Variants in KLF12 observed in about 807,000 individuals in gnomAD.
KLF12 encodes the protein KLF transcription factor 12.
In KLF12, 9 loss-of-function variants were observed where a neutral mutation model predicts 37.8. The ratio of observed to expected loss-of-function variants is 0.24; its 90% CI spans 0.14 to 0.42. The LOEUF (loss-of-function observed/expected upper bound fraction) is 0.42. KLF12 is among the 10% of genes least tolerant of loss of function. The probability of loss-of-function intolerance (pLI) is 1.00; values close to 1 mark genes in which losing one functional copy is unlikely to be tolerated. For missense variants in KLF12, 411 were observed against 516.0 expected (o/e 0.80, Z 1.97); for synonymous variants, 208 against 202.1 (o/e 1.03, Z -0.25).
intron 1 of KLF12, among the ~76,000 whole-genome samples, chr13:74,047,293 C>T (rs916160528): frequency 6.6e-6 from 1 of 152,028 alleles, no homozygotes; most frequent in Non-Finnish European, 1.5e-5. Context: ...CAGAAAAGTG[C>T]TTGCTTTAAA....
chr13:74,142,345 A>G, the KLF12 span, among the ~76,000 whole-genome samples: 1 of 152,250 alleles, frequency 6.6e-6, no homozygotes, highest in Non-Finnish European at 1.5e-5. Context: ...TTTGCATTTC[A>G]TATTCAAATG....
At chr13:74,208,805 G>T in the KLF12 span, among the ~76,000 whole-genome samples, 1 of 151,974 alleles carries the variant, frequency 6.6e-6, no homozygotes, top group Middle Eastern at 3.2e-3. Flanking sequence ...GAGACACTGT[G>T]TCTAAAAAAT....
intron 2 of KLF12, among the ~76,000 whole-genome samples, chr13:73,946,027 T>TC (rs1426478687): frequency 1.3e-5 from 2 of 152,148 alleles, no homozygotes; most frequent in Admixed American, 1.3e-4. Context: ...CTTACCACCA[T>TC]CCAGTCTCAG....
chr13:74,070,926 C>A (rs1874197003), intron 1 of KLF12, among the ~76,000 whole-genome samples: 1 of 152,192 alleles, frequency 6.6e-6, no homozygotes, highest in Non-Finnish European at 1.5e-5. Context: ...GTGGGTCCAA[C>A]AGTCACTATG....
At chr13:74,087,106 C>A (rs1875354271) in intron 1 of KLF12, among the ~76,000 whole-genome samples, 1 of 151,996 alleles carries the variant, frequency 6.6e-6, no homozygotes, top group Non-Finnish European at 1.5e-5. Context: ...TGTTTATGTG[C>A]CCTTGAGGAT....
At position 73,691,857 on chromosome 13, in the gene KLF12, A is replaced by G. The variant is rs1057476754; in HGVS notation, c.*3633T>C. The G allele has an allele frequency of 6.6e-6, 1 of 152,648 alleles. No homozygotes were observed. The highest frequency in any genetic ancestry group is 2.4e-5 in the African/African-American group (1 of 41,466). 9.5% of individuals were successfully genotyped at this position (152,648 alleles called of 1,614,324 possible). On this transcript the variant is annotated 3_prime_UTR_variant, in exon 8 of 8. Transcript: ENST00000377669. ...TAAAGTTAAAAAGAATTGTATAAAA[A>G]TGAACACAATCTTTGCATAAGCTAT...
rs868068889 is a variant in KLF12, at chr13:73,900,627, C to A, written c.123+43354G>T. Among the ~76,000 whole-genome samples, 121 of 151,614 alleles carry A rather than the reference C, an allele frequency of 8.0e-4. 1 individual carries two copies. The highest frequency in any genetic ancestry group is 2.8e-3 in the African/African-American group (116 of 41,308). ...TAACTGTGAAACTCCTGTATTCTCT[C>A]ATTTAAAAAAAAAAACTAATCGTGC... On this transcript the variant is annotated intron_variant, in intron 3 of 7. Transcript: ENST00000377669.
intron 6 of KLF12, among the ~76,000 whole-genome samples, chr13:73,733,738 C>T (rs553408354): frequency 6.6e-6 from 1 of 152,310 alleles, no homozygotes; most frequent in South Asian, 2.1e-4. Context: ...AATCACCAAA[C>T]TGCTGTGCAT....
the KLF12 span, among the ~76,000 whole-genome samples, chr13:74,268,590 A>G: frequency 6.6e-6 from 1 of 152,196 alleles, no homozygotes; most frequent in Non-Finnish European, 1.5e-5. Flanking sequence ...TTACAGTTTC[A>G]TTTAGGAGTT....
chr13:73,935,538 G>A (rs1374110495), intron 3 of KLF12, among the ~76,000 whole-genome samples: 1 of 152,064 alleles, frequency 6.6e-6, no homozygotes, highest in Non-Finnish European at 1.5e-5. Context: ...TAATGAATGC[G>A]TTCTCACTCT....
At chr13:74,050,774 A>G (rs1404165662) in intron 1 of KLF12, among the ~76,000 whole-genome samples, 2 of 152,248 alleles carry the variant, frequency 1.3e-5, no homozygotes, top group African/African-American at 4.8e-5. Context: ...CAACAGAGTG[A>G]AAAGACAACC....
intron 3 of KLF12, among the ~76,000 whole-genome samples, chr13:73,881,309 C>A (rs758424899): frequency 2.0e-5 from 3 of 151,944 alleles, no homozygotes; most frequent in African/African-American, 7.2e-5. Flanking sequence ...TTTTAAATTT[C>A]TGAGAAGCTT....
At chr13:74,010,361 G>A (rs1007639084) in intron 1 of KLF12, among the ~76,000 whole-genome samples, 1 of 152,172 alleles carries the variant, frequency 6.6e-6, no homozygotes, top group African/African-American at 2.4e-5. Context: ...ATTTTGGTAA[G>A]ACCACGAACA....
intron 3 of KLF12, among the ~76,000 whole-genome samples, chr13:73,902,296 C>T (rs1221143684): frequency 6.6e-6 from 1 of 152,150 alleles, no homozygotes; most frequent in Non-Finnish European, 1.5e-5. Context: ...TATTTTGAGG[C>T]AGGCATTATA....
At chr13:73,829,930 CTGTTTA>C (rs1362193019) in intron 4 of KLF12, among the ~76,000 whole-genome samples, 11 of 152,104 alleles carry the variant, frequency 7.2e-5, no homozygotes, top group African/African-American at 2.4e-4. Context: ...CTGTAATCCT[CTGTTTA>C]TATCAGATCA....
chr13:73,874,822 C>CTA (rs936367180), intron 3 of KLF12, among the ~76,000 whole-genome samples: 4 of 152,276 alleles, frequency 2.6e-5, no homozygotes, highest in African/African-American at 9.6e-5. Flanking sequence ...TTTTCACTTA[C>CTA]AGGTTTTAAG....
chr13:73,723,949 A>C (rs550507644), intron 6 of KLF12, among the ~76,000 whole-genome samples: 1 of 152,322 alleles, frequency 6.6e-6, no homozygotes, highest in South Asian at 2.1e-4. Context: ...GTGGGAGTGC[A>C]AATTAGTTCA....
At chr13:74,190,801 A>AC in the KLF12 span, among the ~76,000 whole-genome samples, 1 of 152,222 alleles carries the variant, frequency 6.6e-6, no homozygotes, top group African/African-American at 2.4e-5. Flanking sequence ...AACCCCGGCT[A>AC]CTGACAACTT....
At position 73,883,257 on chromosome 13, in the gene KLF12, A is replaced by T. The variant is rs753695848; in HGVS notation, c.124-36884T>A. Among the ~76,000 whole-genome samples, 10 of 152,216 alleles carry T rather than the reference A, an allele frequency of 6.6e-5. 1 individual carries two copies. The highest frequency in any genetic ancestry group is 1.4e-4 in the African/African-American group (6 of 41,456). ...TTTAAAAACAAAAACAGTTATTTGCATGAGAAAAAAATGAGTGATTGAATC... is the reference window on the plus strand; with the variant it reads ...TTTAAAAACAAAAACAGTTATTTGCTTGAGAAAAAAATGAGTGATTGAATC... On this transcript the variant is annotated intron_variant, in intron 3 of 7. Transcript: ENST00000377669.
Sources: allele counts gnomAD v4.1 joint callset (sites outside exome capture counted in the v4.1 genomes callset), GRCh38; gene constraint gnomAD v4.1.1; transcripts MANE v1.5; gene names NCBI Gene and HGNC (gene_info 2026-07-23, HGNC 2026-07-21).